The following MCAT variants were observed in gnomAD, a reference collection of about 807,000 sequenced individuals.
MCAT encodes the protein malonyl-CoA-acyl carrier protein transacylase, mitochondrial.
MCAT carries 22 observed loss-of-function variants against 22.9 expected under a neutral mutation model. The ratio of observed to expected loss-of-function variants is 0.96; its 90% confidence interval spans 0.69 to 1.37. The LOEUF is 1.37. Ranked by LOEUF, MCAT falls within the 40% of genes most tolerant of loss-of-function variation. The pLI, the probability that MCAT is intolerant of heterozygous loss-of-function variation, is 0.00. For synonymous variants in MCAT, 240 were observed against 233.9 expected, an observed-to-expected ratio of 1.03 and a Z score of -0.24; for missense variants, 534 against 533.6, an observed-to-expected ratio of 1.00 and a Z score of -0.01.
intron 2 of MCAT, among the ~76,000 whole-genome samples, chr22:43,140,206 C>T (rs1930730282): frequency 6.6e-6 from 1 of 152,296 alleles, no homozygotes; most frequent in South Asian, 2.1e-4. Flanking sequence ...TGGACAGGGT[C>T]TTGCTCTGTC....
At chr22:43,136,975 C>G (rs924440186) in intron 3 of MCAT, 106 bp downstream of exon 3, 3 of 939,222 alleles carry the variant, frequency 3.2e-6, no homozygotes, top group Non-Finnish European at 5.1e-6. Context: ...TCCTAAAGAC[C>G]GGGCTGGACC....
rs774210332 is a variant in MCAT, at chr22:43,134,223, GAAGGA to G, written c.730-742_730-738del. 7.2e-5 allele frequency among the ~76,000 whole-genome samples: 11 copies of G among 152,322 alleles called. 1 individual carries two copies. In the East Asian group the frequency reaches 2.1e-3, roughly 29 times the overall value. On this transcript the variant is annotated intron_variant, in intron 3 of 3. Coordinates refer to ENST00000290429, the MANE Select transcript of MCAT (RefSeq NM_173467.5). ...CACTTTCATCTGAGGTTTCTCTGGA[GAAGGA>G]AAGAGCTCTCCTCTTGATGCCAAAA...
chr22:43,138,966 G>A (rs1002312513), intron 2 of MCAT, among the ~76,000 whole-genome samples: 1 of 152,178 alleles, frequency 6.6e-6, no homozygotes, highest in Middle Eastern at 3.2e-3. Flanking sequence ...ACAAGAACAG[G>A]AGGACAAATA....
Position 43,133,016 on chromosome 22 carries a change from G to C in MCAT, c.*27C>G. 1 of 1,602,176 alleles carries C rather than the reference G, an allele frequency of 6.2e-7. No homozygotes were observed. Among genetic ancestry groups the C allele is most frequent in the Non-Finnish European group, 8.5e-7 (1 of 1,171,652 alleles). ...CAGCCTCTCCTCAGGAGGACAGAGG[G>C]GGTCATCGCATTTGAGCCCCCTGCA... On this transcript the variant is annotated 3_prime_UTR_variant, in exon 4 of 4. Coordinates refer to ENST00000290429, the MANE Select transcript of MCAT (RefSeq NM_173467.5).
chr22:43,136,976 G>A (rs138021923), intron 3 of MCAT, 105 bp downstream of exon 3: 36 of 961,484 alleles, frequency 3.7e-5, no homozygotes, highest in Middle Eastern at 2.6e-4. Flanking sequence ...CCTAAAGACC[G>A]GGCTGGACCC....
At chr22:43,137,004 T>G in intron 3 of MCAT, 77 bp downstream of exon 3, 1 of 1,270,790 alleles carries the variant, frequency 7.9e-7, no homozygotes, top group Non-Finnish European at 1.1e-6. Context: ...GCCAGACTGC[T>G]AGGCCTCACG....
At chr22:43,137,435 A>C (rs1192223468) in intron 2 of MCAT, 137 bp from the exon 3 acceptor site, 1 of 650,722 alleles carries the variant, frequency 1.5e-6, no homozygotes, top group East Asian at 2.7e-5. Context: ...CAGCAGGGCC[A>C]CAGTTCCACA....
rs753700263 is a variant in MCAT at position 43,143,010 on chromosome 22, G to A, written c.339C>T (p.Thr113=). Residue 113 remains threonine, a synonymous_variant, in exon 1 of 4, where the codon ACC becomes ACT. Coordinates refer to ENST00000290429, the MANE Select transcript of MCAT (RefSeq NM_173467.5). ...LELSLHGPQE[T]LDRTVHCQPA... ...GCTGACAGTGCACGGTGCGGTCCAG[G>A]GTCTCCTGCGGCCCGTGCAGGCTCA... is the stretch of plus-strand genomic sequence containing the variant. The A allele has an allele frequency of 1.2e-6, 2 of 1,608,910 alleles. No individual in the cohort carries two copies. The highest frequency in any genetic ancestry group is 3.4e-5 in the Admixed American group (2 of 59,514).
chr22:43,134,664 G>A (rs1026370003), intron 3 of MCAT, among the ~76,000 whole-genome samples: 18 of 152,274 alleles, frequency 1.2e-4, no homozygotes, highest in South Asian at 4.1e-4. Context: ...CCAGCCTGGC[G>A]AGCACAGACC....
Position 43,133,296 on chromosome 22 carries a change from C to T in MCAT, c.920G>A (p.Arg307Lys). ...VYSNVHAHRYRHPGHIHKLLA... is the reference protein window; with the variant it reads ...VYSNVHAHRYKHPGHIHKLLA... Reference sequence around the variant, plus strand: ...CAGCTTGTGGATGTGCCCGGGATGCCTGTATCTATGCGCGTGGACGTTGGA... The same window carrying T: ...CAGCTTGTGGATGTGCCCGGGATGCTTGTATCTATGCGCGTGGACGTTGGA... The change falls in exon 4 of 4, where the codon AGG becomes AAG. Residue 307 changes from arginine to lysine, a missense_variant. Arg to Lys is a conservative substitution (Grantham distance 26). Transcript: ENST00000290429. The T allele has an allele frequency of 6.2e-7, 1 of 1,614,200 alleles. No individual in the cohort carries two copies. Among genetic ancestry groups the T allele is most frequent in the Admixed American group, 1.7e-5 (1 of 60,014 alleles).
Position 43,141,227 on chromosome 22 carries a change from G to A in MCAT, c.446C>T (p.Ala149Val). Residue 149 changes from alanine (A) to valine (V), a missense_variant, in exon 2 of 4, where the codon GCT (alanine) becomes GTT (valine). By Grantham distance (64) the Ala-to-Val change is moderately conservative. Transcript: ENST00000290429. ...AAACTCTCCCACACTGAATCCAGCA[G>A]CAGCAACACAGTTCTCAATCACCTG... Reference protein sequence around the residue: ...QPSVIENCVAAAGFSVGEFAA... With the variant: ...QPSVIENCVAVAGFSVGEFAA... 1.2e-6 allele frequency: 2 copies of A among 1,614,068 alleles called. No homozygotes were observed. Among genetic ancestry groups the A allele is most frequent in the Non-Finnish European group, 1.7e-6 (2 of 1,179,966 alleles).
chr22:43,143,320 C>G lies in MCAT; in HGVS notation c.29G>C (p.Trp10Ser), dbSNP rs1239132183. 2 of 1,403,542 alleles carry G rather than the reference C, an allele frequency of 1.4e-6. No individual in the cohort carries two copies. The highest frequency in any genetic ancestry group is 1.8e-6 in the Non-Finnish European group (2 of 1,090,422). The allele number at this position is 1,403,542 out of a possible 1,614,324, so 86.9% of individuals were successfully genotyped here. A position where few individuals can be genotyped will look rare whatever the true frequency, so the allele number is the denominator to read the frequency against. Residue 10 changes from tryptophan to serine, a missense_variant, in exon 1 of 4, where the codon TGG (tryptophan) becomes TCG (serine). Trp to Ser is a radical substitution (Grantham distance 177). Transcript: ENST00000290429. The stretch of plus-strand genomic sequence containing the variant: ...GTAGCTGGCGCCCAAGCCCCTGACC[C>G]ACGCTACCCGTGCGACCCGGACGCT... Reference protein sequence around the residue: MSVRVARVAWVRGLGASYRR... With the variant: MSVRVARVASVRGLGASYRR...
intron 2 of MCAT, among the ~76,000 whole-genome samples, chr22:43,138,236 C>A (rs1222646565): frequency 6.6e-6 from 1 of 151,766 alleles, no homozygotes; most frequent in East Asian, 1.9e-4. Flanking sequence ...TGTCTCAAAA[C>A]AAGAACAACA....
At chr22:43,140,051 A>G (rs1223758555) in intron 2 of MCAT, among the ~76,000 whole-genome samples, 1 of 152,210 alleles carries the variant, frequency 6.6e-6, no homozygotes, top group Non-Finnish European at 1.5e-5. Flanking sequence ...ATTCAGTGGT[A>G]TTTGGGGTAT....
chr22:43,137,325 A>C, intron 2 of MCAT, 27 bp from the exon 3 acceptor site: 1 of 1,589,452 alleles, frequency 6.3e-7, no homozygotes, highest in Non-Finnish European at 8.6e-7. Context: ...GCATTTGGAA[A>C]AATGAGGGCA....
At position 43,142,799 on chromosome 22, in the gene MCAT, A is replaced by AAC. The variant is rs1555974821; in HGVS notation, c.423+126_423+127insGT. 1.6e-4 allele frequency: 175 copies of AAC among 1,077,214 alleles called. No individual in the cohort carries two copies. In the African/African-American group the frequency reaches 2.7e-3, roughly 16 times the overall value. The allele number at this position is 1,077,214 out of a possible 1,614,324, so 66.7% of individuals were successfully genotyped here. ...CAAAAAAAAAAACAAAAACAAACAA[A>AAC]AAAAAAAACTCGATCGAATGAGTAA... On this transcript the variant is annotated intron_variant, in intron 1 of 3. Coordinates refer to ENST00000290429, the MANE Select transcript of MCAT (RefSeq NM_173467.5).
chr22:43,134,277 T>C (rs1022127895), intron 3 of MCAT, among the ~76,000 whole-genome samples: 1 of 152,150 alleles, frequency 6.6e-6, no homozygotes, highest in African/African-American at 2.4e-5. Context: ...GCATTTGAGC[T>C]CAGAAGGGGC....
At chr22:43,135,691 T>A (rs1930588611) in intron 3 of MCAT, among the ~76,000 whole-genome samples, 1 of 152,014 alleles carries the variant, frequency 6.6e-6, no homozygotes, top group South Asian at 2.1e-4. Context: ...AAGACTGACC[T>A]GGGGCCACCA....
At chr22:43,140,204 G>A in intron 2 of MCAT, among the ~76,000 whole-genome samples, 1 of 152,088 alleles carries the variant, frequency 6.6e-6, no homozygotes. Context: ...TTTGGACAGG[G>A]TCTTGCTCTG....
Sources: allele counts gnomAD v4.1 joint callset (sites outside exome capture counted in the v4.1 genomes callset), GRCh38; gene constraint gnomAD v4.1.1; transcripts MANE v1.5; gene names NCBI Gene and HGNC (gene_info 2026-07-23, HGNC 2026-07-21).